SLC25A21: variants seen among roughly 807,000 people sequenced by gnomAD.
SLC25A21 encodes mitochondrial 2-oxodicarboxylate carrier.
SLC25A21 carries 47 observed loss-of-function variants against 43.8 expected under a neutral mutation model. The ratio of observed to expected loss-of-function variants is 1.07; its 90% CI spans 0.85 to 1.37. The LOEUF (loss-of-function observed/expected upper bound fraction) is 1.37. SLC25A21 is among the 40% of genes most tolerant of loss of function. The pLI is 0.00. For synonymous variants in SLC25A21, 131 were observed against 121.3 expected (o/e 1.08, Z -0.52); for missense variants, 352 against 350.2 (o/e 1.00, Z -0.04).
At chr14:36,765,501 G>A (rs146129850) in intron 3 of SLC25A21, among the ~76,000 whole-genome samples, 118 of 152,314 alleles carry the variant, frequency 7.7e-4, no homozygotes, top group Non-Finnish European at 1.4e-3. Flanking sequence ...TGAAGGAAAA[G>A]TACAAGTACC....
At position 36,725,624 on chromosome 14, in the gene SLC25A21, G is replaced by A. The variant is rs1055829229; in HGVS notation, c.384C>T (p.Asn128=). ...GSGLTEAIVV[N]PFEVVKVGLQ... Reference sequence around the variant, plus strand: ...AGCCAACTTTTACTACCTCAAAAGGGTTAACTACAATGGCTTCTGTTAGTC... The same window carrying A: ...AGCCAACTTTTACTACCTCAAAAGGATTAACTACAATGGCTTCTGTTAGTC... The change falls in exon 6 of 10, where the codon AAC becomes AAT. Residue 128 remains asparagine, a synonymous_variant. Coordinates refer to ENST00000331299, the MANE Select transcript of SLC25A21 (RefSeq NM_030631.4). 1.9e-6 allele frequency: 3 copies of A among 1,601,860 alleles called. No individual in the cohort carries two copies. The highest frequency in any genetic ancestry group is 2.6e-6 in the Non-Finnish European group (3 of 1,174,510).
chr14:37,024,125 A>C (rs1961043922), intron 1 of SLC25A21, among the ~76,000 whole-genome samples: 2 of 152,122 alleles, frequency 1.3e-5, no homozygotes, highest in African/African-American at 2.4e-5. Context: ...AAAATGAGTA[A>C]GCAAAATTTT....
chr14:37,048,364 T>C lies in SLC25A21; in HGVS notation c.70+123917A>G, dbSNP rs17106100. ...TAATAACAGATAGGTAGGAAATTAC[T>C]GTCATCATAAACCGGGTTATGTATC... On this transcript the variant is annotated intron_variant, in intron 1 of 9. Coordinates refer to ENST00000331299, the MANE Select transcript of SLC25A21 (RefSeq NM_030631.4). 6.3e-3 allele frequency among the ~76,000 whole-genome samples: 954 copies of C among 152,242 alleles called. 10 individuals are homozygous for C. The highest frequency in any genetic ancestry group is 0.02 in the African/African-American group (832 of 41,548).
intron 2 of SLC25A21, among the ~76,000 whole-genome samples, chr14:36,871,999 G>C (rs1890387451): frequency 6.6e-6 from 1 of 152,056 alleles, no homozygotes; most frequent in South Asian, 2.1e-4. Context: ...AGGCAATTTT[G>C]GGAAAACAAA....
intron 1 of SLC25A21, among the ~76,000 whole-genome samples, chr14:36,897,932 C>T (rs530633341): frequency 2.3e-4 from 35 of 152,284 alleles, no homozygotes; most frequent in African/African-American, 7.7e-4. Context: ...TGTGAGGTGT[C>T]GGTCTGACCC....
At chr14:37,092,411 T>C (rs549338848) in intron 1 of SLC25A21, among the ~76,000 whole-genome samples, 2 of 152,290 alleles carry the variant, frequency 1.3e-5, no homozygotes, top group African/African-American at 2.4e-5. Context: ...TGGACAGTAG[T>C]TGTTGCTGGC....
chr14:36,735,660 C>T (rs1212745679), intron 3 of SLC25A21, among the ~76,000 whole-genome samples: 1 of 152,074 alleles, frequency 6.6e-6, no homozygotes, highest in African/African-American at 2.4e-5. Flanking sequence ...CTCTTGTTCT[C>T]CTTCAATTCA....
chr14:36,731,285 T>A (rs1236837854), intron 4 of SLC25A21, among the ~76,000 whole-genome samples: 2 of 152,208 alleles, frequency 1.3e-5, no homozygotes. Context: ...TTATTTTTCT[T>A]CATTTTTATG....
At chr14:37,119,103 C>T (rs1594802107) in intron 1 of SLC25A21, among the ~76,000 whole-genome samples, 2 of 152,264 alleles carry the variant, frequency 1.3e-5, no homozygotes, top group Middle Eastern at 3.4e-3. Context: ...CTAAAGGACA[C>T]TCCCACTGGC....
chr14:37,106,465 C>T (rs1348861276), intron 1 of SLC25A21, among the ~76,000 whole-genome samples: 1 of 152,056 alleles, frequency 6.6e-6, no homozygotes, highest in Non-Finnish European at 1.5e-5. Context: ...GCAGTACCCT[C>T]AGGCTTACTA....
intron 1 of SLC25A21, among the ~76,000 whole-genome samples, chr14:37,030,955 G>A (rs1407771592): frequency 6.6e-6 from 1 of 152,116 alleles, no homozygotes; most frequent in Non-Finnish European, 1.5e-5. Context: ...CTTTTACCCT[G>A]AGATTGTGCA....
intron 3 of SLC25A21, among the ~76,000 whole-genome samples, chr14:36,740,748 C>T (rs1200486372): frequency 1.3e-5 from 2 of 151,538 alleles, no homozygotes; most frequent in African/African-American, 4.9e-5. Flanking sequence ...CCTATGAGTT[C>T]CAGCTTGTGT....
intron 1 of SLC25A21, among the ~76,000 whole-genome samples, chr14:37,135,029 G>A (rs1402076276): frequency 1.3e-5 from 2 of 151,612 alleles, no homozygotes; most frequent in Non-Finnish European, 2.9e-5. Flanking sequence ...ACAGGTTCAA[G>A]CGATTCTCCT....
At chr14:36,902,338 A>C (rs898889365) in intron 1 of SLC25A21, among the ~76,000 whole-genome samples, 5 of 152,136 alleles carry the variant, frequency 3.3e-5, no homozygotes, top group African/African-American at 9.7e-5. Flanking sequence ...CAGTGATTAC[A>C]CAGGTAGGGT....
At chr14:37,067,849 A>C (rs1206773724) in intron 1 of SLC25A21, among the ~76,000 whole-genome samples, 1 of 152,262 alleles carries the variant, frequency 6.6e-6, no homozygotes, top group Admixed American at 6.5e-5. Context: ...AATGTGCACA[A>C]AAATAATTTA....
chr14:37,115,462 G>T (rs1440473455), intron 1 of SLC25A21, among the ~76,000 whole-genome samples: 1 of 152,154 alleles, frequency 6.6e-6, no homozygotes, highest in African/African-American at 2.4e-5. Flanking sequence ...ACACAGGAAA[G>T]ACTGAGAGGA....
chr14:36,894,868 C>T (rs944775354), intron 1 of SLC25A21, among the ~76,000 whole-genome samples: 1 of 151,964 alleles, frequency 6.6e-6, no homozygotes. Flanking sequence ...GTTGAACCAG[C>T]CTTGCATCCC....
intron 1 of SLC25A21, among the ~76,000 whole-genome samples, chr14:37,150,800 A>G (rs1217278157): frequency 6.6e-6 from 1 of 152,194 alleles, no homozygotes; most frequent in African/African-American, 2.4e-5. Context: ...AATGCTGCTC[A>G]TTCTCAGATC....
intron 1 of SLC25A21, among the ~76,000 whole-genome samples, chr14:36,943,844 GC>G (rs760585345): frequency 2.0e-5 from 3 of 152,026 alleles, no homozygotes; most frequent in Admixed American, 6.6e-5. Flanking sequence ...TTAGCAAGAA[GC>G]CTTTGTTTAA....
Sources: gnomAD v4.1 joint callset for allele counts (sites outside exome capture counted in the v4.1 genomes callset) on GRCh38, gnomAD v4.1.1 for gene constraint, MANE v1.5 for transcripts, NCBI Gene and HGNC (gene_info 2026-07-23, HGNC 2026-07-21) for gene names.